Variants in ARHGAP21 observed in about 807,000 individuals in gnomAD.
ARHGAP21 encodes the protein Rho GTPase activating protein 21.
ARHGAP21 carries 38 observed loss-of-function variants against 164.6 expected under a neutral mutation model. The ratio of observed to expected loss-of-function variants is 0.23; its 90% CI spans 0.18 to 0.30. The LOEUF is 0.30. ARHGAP21 is among the 10% of genes least tolerant of loss of function. The pLI, the probability that ARHGAP21 is intolerant of heterozygous loss-of-function variation, is 1.00. For missense variants in ARHGAP21, 1,822 were observed against 2,370.7 expected (o/e 0.77, Z 4.81); for synonymous variants, 766 against 857.9 (o/e 0.89, Z 1.87).
chr10:24,636,375 C>T (rs1053736551), intron 4 of ARHGAP21, among the ~76,000 whole-genome samples: 7 of 152,310 alleles, frequency 4.6e-5, no homozygotes, highest in Non-Finnish European at 1.5e-5. Flanking sequence ...GTGGACCCCA[C>T]CCTAGATCTC....
chr10:24,584,897 T>A lies in ARHGAP21; in HGVS notation c.5392A>T (p.Ile1798Phe), dbSNP rs748345040. The change falls in exon 26 of 26, where the codon ATC (isoleucine) becomes TTC (phenylalanine). Residue 1798 changes from isoleucine (I) to phenylalanine (F), a missense_variant. Physicochemically the swap from Ile to Phe is conservative, Grantham distance 21. This residue lies in a region of ARHGAP21 where 117 missense variants were observed against 193.2 expected (regional missense o/e 0.61). Coordinates refer to ENST00000396432, the MANE Select transcript of ARHGAP21 (RefSeq NM_020824.4). ...CCTCCTAGTGTATGTCTGCGCCGGA[T>A]GCTTTTCCTTTTAGCAGTCTCGGCA... ...VNAETAKRKS[I>F]RRRHTLGGHR... The A allele has an allele frequency of 1.9e-6, 3 of 1,613,856 alleles. No homozygotes were observed. Among genetic ancestry groups the A allele is most frequent in the Non-Finnish European group, 8.5e-7 (1 of 1,179,866 alleles).
chr10:24,674,367 C>T (rs1311194342), intron 2 of ARHGAP21, among the ~76,000 whole-genome samples: 6 of 152,194 alleles, frequency 3.9e-5, no homozygotes, highest in Admixed American at 6.5e-5. Context: ...AACCCCGTCT[C>T]TACTAAAAAT....
chr10:24,594,030 ACTGAT>A (rs1189922496), intron 21 of ARHGAP21, among the ~76,000 whole-genome samples: 3 of 152,176 alleles, frequency 2.0e-5, no homozygotes, highest in African/African-American at 7.2e-5. Context: ...CAGTCACTAA[ACTGAT>A]CTATCTTTCT....
chr10:24,645,569 G>A (rs1281625318), intron 4 of ARHGAP21, among the ~76,000 whole-genome samples: 3 of 147,016 alleles, frequency 2.0e-5, no homozygotes, highest in East Asian at 4.0e-4. Context: ...GAGCAATAGA[G>A]TGAGGCTCTG....
At chr10:24,654,967 A>T (rs1379021089) in intron 4 of ARHGAP21, among the ~76,000 whole-genome samples, 4 of 152,208 alleles carry the variant, frequency 2.6e-5, no homozygotes, top group African/African-American at 9.6e-5. Context: ...ATAACACCAC[A>T]TATCTACAAC....
At chr10:24,689,559 G>A (rs1366521130) in intron 2 of ARHGAP21, among the ~76,000 whole-genome samples, 2 of 151,976 alleles carry the variant, frequency 1.3e-5, no homozygotes, top group Non-Finnish European at 2.9e-5. Flanking sequence ...GGGCAATATG[G>A]CAAAACCCCA....
chr10:24,642,795 C>A (rs1203982968), intron 4 of ARHGAP21, among the ~76,000 whole-genome samples: 1 of 152,176 alleles, frequency 6.6e-6, no homozygotes, highest in Non-Finnish European at 1.5e-5. Flanking sequence ...AACTGCTCTA[C>A]CTATGTATTC....
Position 24,608,065 on chromosome 10 carries a change from C to CAGTT in ARHGAP21, c.2423-166_2423-163dup, listed in dbSNP as rs200689324. ...ATTCAGTCTGCTAAAAATTGATTTA[C>CAGTT]AGTTATTACTCTAGTAATTCTAAAT... On this transcript the variant is annotated intron_variant, in intron 9 of 25. Transcript: ENST00000396432. Among the ~76,000 whole-genome samples, 232 of 152,254 alleles carry CAGTT rather than the reference C, an allele frequency of 1.5e-3. 5 individuals are homozygous for CAGTT. In the East Asian group the frequency reaches 0.038, roughly 25 times the overall value.
chr10:24,693,338 CT>C (rs1298784170), intron 2 of ARHGAP21, among the ~76,000 whole-genome samples: 312 of 145,852 alleles, frequency 2.1e-3, no homozygotes, highest in Admixed American at 2.1e-3. Context: ...AAATCTAAAA[CT>C]TTTTTTTTTT....
intron 12 of ARHGAP21, 77 bp from the exon 13 acceptor site, chr10:24,602,180 G>T: frequency 6.7e-7 from 1 of 1,485,548 alleles, no homozygotes; most frequent in Non-Finnish European, 9.0e-7. Flanking sequence ...ACTGCTTTGT[G>T]GAAAACTTTA....
intron 21 of ARHGAP21, 36 bp downstream of exon 21, chr10:24,594,914 C>G: frequency 3.3e-6 from 5 of 1,523,092 alleles, no homozygotes; most frequent in Non-Finnish European, 4.5e-6. Context: ...ACTAAAGCCA[C>G]TAAAAGTACA....
chr10:24,642,372 G>A (rs980335231), intron 4 of ARHGAP21, among the ~76,000 whole-genome samples: 5 of 151,710 alleles, frequency 3.3e-5, no homozygotes, highest in Admixed American at 1.3e-4. Flanking sequence ...AAAATTAGCC[G>A]GGCGTGGTAG....
At chr10:24,657,069 T>TG (rs1361547237) in intron 4 of ARHGAP21, among the ~76,000 whole-genome samples, 2 of 40,066 alleles carry the variant, frequency 5.0e-5, no homozygotes, top group Non-Finnish European at 9.5e-5. Flanking sequence ...GGGAGGGAGG[T>TG]GGGGGTGTCA....
In ARHGAP21 at chr10:24,655,092, T is replaced by A. The variant is rs186872187; in HGVS notation, c.268+11893A>T. 5.0e-4 allele frequency among the ~76,000 whole-genome samples: 76 copies of A among 152,340 alleles called. 1 individual carries two copies. The highest frequency in any genetic ancestry group is 2.3e-3 in the Admixed American group (35 of 15,298). On this transcript the variant is annotated intron_variant, in intron 4 of 25. Transcript: ENST00000396432. ...ACGTAGAAAGCTGAAACTGGATCCC[T>A]TCCTTACACCTTATACAAAAATTAA...
At chr10:24,604,409 A>G in intron 11 of ARHGAP21, 61 bp from the exon 12 acceptor site, 2 of 1,201,184 alleles carry the variant, frequency 1.7e-6, no homozygotes, top group Non-Finnish European at 2.4e-6. Context: ...TAAAGATGTA[A>G]GAATAATTTG....
chr10:24,632,734 T>G (rs1835962505), intron 6 of ARHGAP21, among the ~76,000 whole-genome samples: 1 of 152,230 alleles, frequency 6.6e-6, no homozygotes, highest in Non-Finnish European at 1.5e-5. Context: ...AACAGAGTGA[T>G]GATCCGACTA....
At position 24,722,200 on chromosome 10, in the gene ARHGAP21, C is replaced by A. The variant is rs567848322; in HGVS notation, c.-301G>T. 23 of 426,168 alleles carry A rather than the reference C, an allele frequency of 5.4e-5. No homozygotes were observed. In the East Asian group the frequency reaches 1.0e-3, roughly 19 times the overall value. 26.4% of individuals were successfully genotyped at this position (426,168 alleles called of 1,614,324 possible). Reference sequence around the variant, plus strand: ...GAGGCCAATTGCAGAAAGCGGTCCCCTTCTTCCCAGTGCCACTCCTGAGTC... The same window carrying A: ...GAGGCCAATTGCAGAAAGCGGTCCCATTCTTCCCAGTGCCACTCCTGAGTC... On this transcript the variant is annotated 5_prime_UTR_variant, in exon 2 of 26. It adds an upstream start codon to the 5' untranslated region. Transcript: ENST00000396432.
In ARHGAP21 at chr10:24,585,781, G is replaced by C. The variant is rs775462639; in HGVS notation, c.4508C>G (p.Pro1503Arg). 7 of 1,613,786 alleles carry C rather than the reference G, an allele frequency of 4.3e-6. No homozygotes were observed. Among genetic ancestry groups the C allele is most frequent in the Admixed American group, 1.7e-5 (1 of 59,984 alleles). The change falls in exon 26 of 26, where the codon CCC becomes CGC. Residue 1503 changes from proline (P) to arginine (R), a missense_variant. Pro to Arg is a moderately radical substitution (Grantham distance 103, BLOSUM62 -2). Coordinates refer to ENST00000396432, the MANE Select transcript of ARHGAP21 (RefSeq NM_020824.4). ...GTGTTTTGAGTTGTGTGGTGGTGAGGGTTCTTCAGAAGGCGTGCTCTCTTT... is the reference window on the plus strand; with the variant it reads ...GTGTTTTGAGTTGTGTGGTGGTGAGCGTTCTTCAGAAGGCGTGCTCTCTTT... ...LGKESTPSEEPSPPHNSKHNK... is the reference protein window; with the variant it reads ...LGKESTPSEERSPPHNSKHNK...
chr10:24,626,085 A>C (rs1283759395), intron 7 of ARHGAP21, among the ~76,000 whole-genome samples: 1 of 152,342 alleles, frequency 6.6e-6, no homozygotes, highest in East Asian at 1.9e-4. Context: ...GAACAGCATA[A>C]AGTAGGTTTA....
Sources: allele counts gnomAD v4.1 joint callset (sites outside exome capture counted in the v4.1 genomes callset), GRCh38; gene constraint gnomAD v4.1.1; regional missense constraint gnomAD v4.1.1; transcripts MANE v1.5; gene names NCBI Gene and HGNC (gene_info 2026-07-23, HGNC 2026-07-21).